The following HEG1 variants were observed in gnomAD, a reference collection of about 807,000 sequenced individuals.
HEG1 encodes heart development protein with EGF like domains 1, also known as protein HEG homolog 1.
In HEG1, 56 loss-of-function variants were observed where a neutral mutation model predicts 125.6. The observed-to-expected ratio is 0.45, with a 90% confidence interval of 0.36 to 0.56. The LOEUF is 0.56. HEG1 is among the 20% of genes least tolerant of loss of function. HEG1 has a pLI of 0.00. For synonymous variants in HEG1, 644 were observed against 668.5 expected (o/e 0.96, Z 0.57); for missense variants, 1,523 against 1,670.0 (o/e 0.91, Z 1.53).
At chr3:125,029,124 G>C in intron 2 of HEG1, 71 bp downstream of exon 2, 1 of 1,489,818 alleles carries the variant, frequency 6.7e-7, no homozygotes, top group Admixed American at 2.0e-5. Context: ...GGGTTGTGGG[G>C]AATGGCAGAA....
Position 124,997,722 on chromosome 3 carries a change from A to G in HEG1, c.3619T>C (p.Phe1207Leu), listed in dbSNP as rs745513115. Residue 1207 changes from phenylalanine (F) to leucine (L), a missense_variant, in exon 12 of 17, where the codon TTT (phenylalanine) becomes CTT (leucine). Phe to Leu is a conservative substitution (Grantham distance 22). Coordinates refer to ENST00000311127, the MANE Select transcript of HEG1 (RefSeq NM_020733.2). ...VALCQCKSGY[F>L]QFNKMDHSCR... ...GAGTGGTCCATCTTGTTGAACTGAA[A>G]GTATCCCGACTTGCACTGGCACAGG... The G allele has an allele frequency of 1.3e-6, 2 of 1,592,886 alleles. No homozygotes were observed. Among genetic ancestry groups the G allele is most frequent in the South Asian group, 2.3e-5 (2 of 87,996 alleles).
At position 124,969,658 on chromosome 3, in the gene HEG1, C is replaced by G. The variant is rs1204827200; in HGVS notation, c.*994G>C. 1 of 152,208 alleles carries G rather than the reference C, an allele frequency of 6.6e-6. No individual in the cohort carries two copies. The highest frequency in any genetic ancestry group is 1.5e-5 in the Non-Finnish European group (1 of 68,054). 9.4% of individuals were successfully genotyped at this position (152,208 alleles called of 1,614,324 possible). ...GCACTGTTGATGCAGGAAATCTAAC[C>G]TGCCTATTCAGCCCATCCCTCTAAC... On this transcript the variant is annotated 3_prime_UTR_variant, in exon 17 of 17. Transcript: ENST00000311127.
At chr3:125,051,127 T>C (rs545503018) in intron 1 of HEG1, among the ~76,000 whole-genome samples, 1 of 152,354 alleles carries the variant, frequency 6.6e-6, no homozygotes, top group African/African-American at 2.4e-5. Context: ...AACCTATGGA[T>C]TGGCATATGA....
chr3:125,005,356 A>G lies in HEG1; in HGVS notation c.3206T>C (p.Val1069Ala). The change falls in exon 9 of 17, where the codon GTG becomes GCG. Residue 1069 changes from valine (V) to alanine (A), a missense_variant. Coordinates refer to ENST00000311127, the MANE Select transcript of HEG1 (RefSeq NM_020733.2). ...AGTTCTCTTTAATTTAAACTCTGTC[A>G]CGAAGGTTCTAACTGAAAATGAAAA... ...KGICNLVRTF[V>A]TEFKLKRTFL... 6.4e-7 allele frequency: 1 copy of G among 1,563,722 alleles called. No homozygotes were observed. The highest frequency in any genetic ancestry group is 8.7e-7 in the Non-Finnish European group (1 of 1,145,630).
At chr3:125,047,139 G>A (rs1004234122) in intron 1 of HEG1, among the ~76,000 whole-genome samples, 2 of 152,240 alleles carry the variant, frequency 1.3e-5, no homozygotes, top group African/African-American at 2.4e-5. Flanking sequence ...GGGGTCCAAC[G>A]AGGGGAAGAC....
rs567542449 is a variant in HEG1, at chr3:125,050,684, C to T, written c.316+4891G>A. 2.6e-5 allele frequency among the ~76,000 whole-genome samples: 4 copies of T among 152,286 alleles called. No individual in the cohort carries two copies. The South Asian group carries it at 8.3e-4, about 32-fold the overall frequency. ...TTTTACAATCTTGATGTGTGTGCTC[C>T]AACAAGACTGAATGTTCCCTGGGGG... On this transcript the variant is annotated intron_variant, in intron 1 of 16. Transcript: ENST00000311127.
rs1272956392 is a variant in HEG1 at position 125,013,803 on chromosome 3, G to T, written c.1776C>A (p.Asn592Lys). The T allele has an allele frequency of 1.2e-6, 2 of 1,613,872 alleles. No individual in the cohort carries two copies. Among genetic ancestry groups the T allele is most frequent in the Admixed American group, 3.3e-5 (2 of 60,026 alleles). The part of the protein sequence containing the change: ...ESSTSYIKIS[N>K]SSHSEYSSFF... ...AGGAGGAATACTCTGAATGTGAAGAGTTTGAGATTTTAATATAAGAAGTTG... is the reference window on the plus strand; with the variant it reads ...AGGAGGAATACTCTGAATGTGAAGATTTTGAGATTTTAATATAAGAAGTTG... Residue 592 changes from asparagine (N) to lysine (K), a missense_variant, in exon 6 of 17, where the codon AAC becomes AAA. By Grantham distance (94) the Asn-to-Lys change is moderately conservative. Transcript: ENST00000311127.
chr3:125,021,415 A>T (rs1420883575), intron 3 of HEG1, among the ~76,000 whole-genome samples: 1 of 152,088 alleles, frequency 6.6e-6, no homozygotes, highest in Admixed American at 6.5e-5. Flanking sequence ...TTTTTTAAAG[A>T]GAAAGATGAA....
intron 1 of HEG1, among the ~76,000 whole-genome samples, chr3:125,047,409 T>C (rs1937690119): frequency 6.6e-6 from 1 of 152,206 alleles, no homozygotes; most frequent in Admixed American, 6.5e-5. Context: ...TAATAGCCCA[T>C]TTGACAGATG....
At chr3:125,009,966 C>T in intron 7 of HEG1, 142 bp from the exon 8 acceptor site, 1 of 794,008 alleles carries the variant, frequency 1.3e-6, no homozygotes, top group East Asian at 2.9e-5. Flanking sequence ...CACTCTTGCC[C>T]TCAAGGGGCT....
intron 1 of HEG1, among the ~76,000 whole-genome samples, chr3:125,041,099 T>C (rs1156235512): frequency 6.6e-6 from 1 of 152,202 alleles, no homozygotes; most frequent in African/African-American, 2.4e-5. Context: ...GTGTCTTTCC[T>C]AACTGACCAC....
chr3:125,047,805 T>C (rs1937698918), intron 1 of HEG1, among the ~76,000 whole-genome samples: 1 of 152,206 alleles, frequency 6.6e-6, no homozygotes, highest in South Asian at 2.1e-4. Flanking sequence ...GTCTCTCTCC[T>C]GCCTCTTGCT....
rs1459154195 is a variant in HEG1 at position 124,973,956 on chromosome 3, C to T, written c.3822-51G>A. ...AGCTCAATTCCGTAAAGAAGTGATA[C>T]TGTGAAAGCACCAACTATGATTTTA... On this transcript the variant is annotated intron_variant, in intron 15 of 16. Coordinates refer to ENST00000311127, the MANE Select transcript of HEG1 (RefSeq NM_020733.2). 5 of 1,246,954 alleles carry T rather than the reference C, an allele frequency of 4.0e-6. No individual in the cohort carries two copies. In the South Asian group the frequency reaches 4.0e-5, roughly 10 times the overall value. 77.2% of individuals were successfully genotyped at this position (1,246,954 alleles called of 1,614,324 possible).
In HEG1 at chr3:125,055,446, A is replaced by T. The variant is rs540607218; in HGVS notation, c.316+129T>A. On this transcript the variant is annotated intron_variant, in intron 1 of 16. Transcript: ENST00000311127. ...CCCGCCGACCCTCAGGGTCCCGCACACGCCGGGCGAGGAGCCCCCACCCTG... is the reference window on the plus strand; with the variant it reads ...CCCGCCGACCCTCAGGGTCCCGCACTCGCCGGGCGAGGAGCCCCCACCCTG... The T allele has an allele frequency of 3.8e-4, 209 of 556,258 alleles. 1 individual carries two copies. The South Asian group carries it at 0.016, about 41-fold the overall frequency. 34.5% of individuals were successfully genotyped at this position (556,258 alleles called of 1,614,324 possible). A position where few individuals can be genotyped will look rare whatever the true frequency, so the allele number is the denominator to read the frequency against.
chr3:124,990,697 C>T (rs765737946), intron 14 of HEG1, 90 bp downstream of exon 14: 215 of 1,252,874 alleles, frequency 1.7e-4, no homozygotes, highest in Non-Finnish European at 1.7e-4. Context: ...CAGGTGTGAA[C>T]TGAGGGAAGT....
intron 11 of HEG1, among the ~76,000 whole-genome samples, chr3:125,001,395 C>T (rs1463609836): frequency 2.0e-5 from 3 of 152,144 alleles, no homozygotes; most frequent in Non-Finnish European, 2.9e-5. Flanking sequence ...AAGGGTACCT[C>T]AGCCTCCCAT....
At chr3:124,996,516 C>A (rs1216113482) in intron 12 of HEG1, among the ~76,000 whole-genome samples, 1 of 152,198 alleles carries the variant, frequency 6.6e-6, no homozygotes, top group African/African-American at 2.4e-5. Flanking sequence ...CCTAGTCACA[C>A]ATCAGGACCT....
In HEG1 at chr3:124,967,924, G is replaced by GAGCC. The variant is rs1235260179; in HGVS notation, c.*2724_*2727dup. ...CTTAAACCAAACCACTGATGCCAGGGAGCCAGCCAGCCACCCTTCCCTGCT... is the reference window on the plus strand; with the variant it reads ...CTTAAACCAAACCACTGATGCCAGGGAGCCAGCCAGCCAGCCACCCTTCCCTGCT... On this transcript the variant is annotated 3_prime_UTR_variant, in exon 17 of 17. Transcript: ENST00000311127. 1 of 152,472 alleles carries GAGCC rather than the reference G, an allele frequency of 6.6e-6. No homozygotes were observed. Among genetic ancestry groups the GAGCC allele is most frequent in the East Asian group, 1.9e-4 (1 of 5,206 alleles). 9.4% of individuals were successfully genotyped at this position (152,472 alleles called of 1,614,324 possible).
intron 9 of HEG1, among the ~76,000 whole-genome samples, chr3:125,002,624 T>G (rs1937017100): frequency 1.3e-5 from 2 of 152,126 alleles, no homozygotes; most frequent in Admixed American, 1.3e-4. Context: ...GGCCCAGGGT[T>G]TCAAACAACT....
Sources: gnomAD v4.1 joint callset for allele counts (sites outside exome capture counted in the v4.1 genomes callset) on GRCh38, gnomAD v4.1.1 for gene constraint, MANE v1.5 for transcripts, NCBI Gene and HGNC (gene_info 2026-07-23, HGNC 2026-07-21) for gene names.